Variants in PLEKHH2 observed in about 807,000 individuals in gnomAD.
The protein encoded by PLEKHH2 is pleckstrin homology, MyTH4 and FERM domain containing H2, also known as pleckstrin homology domain-containing family H member 2.
A neutral mutation model predicts 187.9 loss-of-function variants in PLEKHH2; 129 were observed. The ratio of observed to expected loss-of-function variants is 0.69; its 90% CI spans 0.59 to 0.79. The LOEUF (loss-of-function observed/expected upper bound fraction) is 0.79. Ranked by LOEUF, PLEKHH2 falls within the 30% of genes least tolerant of loss-of-function variation. The pLI is 0.00. For synonymous variants in PLEKHH2, 686 were observed against 605.6 expected, an observed-to-expected ratio of 1.13 and a Z score of -1.95; for missense variants, 2,076 against 1,751.2, an observed-to-expected ratio of 1.19 and a Z score of -3.31.
chr2:43,748,821 A>T (rs1305210255), intron 24 of PLEKHH2, among the ~76,000 whole-genome samples: 4 of 151,556 alleles, frequency 2.6e-5, no homozygotes, highest in Non-Finnish European at 5.9e-5. Context: ...CAATGGCACG[A>T]TCTCAGCTTA....
At chr2:43,666,259 T>C (rs2104388709) in intron 2 of PLEKHH2, among the ~76,000 whole-genome samples, 1 of 151,166 alleles carries the variant, frequency 6.6e-6, no homozygotes, top group Non-Finnish European at 1.5e-5. Flanking sequence ...GTCACCCCTT[T>C]CTTTGACTCG....
intron 15 of PLEKHH2, among the ~76,000 whole-genome samples, chr2:43,715,440 T>A (rs1186731521): frequency 6.6e-6 from 1 of 152,082 alleles, no homozygotes; most frequent in Non-Finnish European, 1.5e-5. Context: ...CCCTGCAGGG[T>A]TTGTAACAGG....
chr2:43,649,048 T>C (rs1666340749), intron 2 of PLEKHH2, among the ~76,000 whole-genome samples: 2 of 152,334 alleles, frequency 1.3e-5, no homozygotes, highest in South Asian at 4.1e-4. Context: ...AAAGTTGTTT[T>C]GCACCTATTT....
rs776612644 is a variant in PLEKHH2, at chr2:43,700,344, G to A, written c.1386G>A (p.Gln462=). 11 of 1,614,066 alleles carry A rather than the reference G, an allele frequency of 6.8e-6. No individual in the cohort carries two copies. The highest frequency in any genetic ancestry group is 1.6e-4 in the Middle Eastern group (1 of 6,084). Residue 462 remains glutamine (Q), a synonymous_variant, in exon 8 of 30, where the codon CAG becomes CAA. Coordinates refer to ENST00000282406, the MANE Select transcript of PLEKHH2 (RefSeq NM_172069.4). The part of the protein sequence containing the change: ...ALAKRHLSQP[Q]LSSDRMFGTN... ...CCAAAAGGCACTTAAGCCAGCCACA[G>A]TTAAGCTCTGACAGGATGTTTGGTA... is the stretch of plus-strand genomic sequence containing the variant.
At chr2:43,708,235 A>G (rs1669760589) in intron 11 of PLEKHH2, among the ~76,000 whole-genome samples, 1 of 152,184 alleles carries the variant, frequency 6.6e-6, no homozygotes, top group Admixed American at 6.5e-5. Context: ...GAATCAGGTT[A>G]TGACACACTT....
intron 3 of PLEKHH2, among the ~76,000 whole-genome samples, chr2:43,682,675 C>G (rs140635328): frequency 2.0e-5 from 3 of 152,058 alleles, no homozygotes; most frequent in Non-Finnish European, 2.9e-5. Context: ...TCCAAAATGT[C>G]GAAAGGAAAC....
rs545554470 is a variant in PLEKHH2, at chr2:43,727,939, C to T, written c.2721+1488C>T. 2.3e-4 allele frequency among the ~76,000 whole-genome samples: 35 copies of T among 152,240 alleles called. No homozygotes were observed. In the East Asian group the frequency reaches 3.1e-3, roughly 13 times the overall value. On this transcript the variant is annotated intron_variant, in intron 17 of 29. Coordinates refer to ENST00000282406, the MANE Select transcript of PLEKHH2 (RefSeq NM_172069.4). ...GAATTTAATGGCTAATGAATGCTTACGCTCATCTGTAATCAAAGATGCGCA... is the reference window on the plus strand; with the variant it reads ...GAATTTAATGGCTAATGAATGCTTATGCTCATCTGTAATCAAAGATGCGCA...
In PLEKHH2 at chr2:43,714,635, A is replaced by G. The variant is rs138045028; in HGVS notation, c.2460+2252A>G. ...TTGACTAATTTGATTCTAGACAGTC[A>G]CTCTTGCAATTTTTATTTTAATGCT... is the stretch of plus-strand genomic sequence containing the variant. On this transcript the variant is annotated intron_variant, in intron 15 of 29. Transcript: ENST00000282406. Among the ~76,000 whole-genome samples, 532 of 152,244 alleles carry G rather than the reference A, an allele frequency of 3.5e-3. 2 individuals are homozygous for G. The highest frequency in any genetic ancestry group is 0.012 in the African/African-American group (514 of 41,546).
intron 18 of PLEKHH2, among the ~76,000 whole-genome samples, chr2:43,730,475 T>C (rs546985723): frequency 3.3e-5 from 5 of 152,238 alleles, no homozygotes; most frequent in Non-Finnish European, 5.9e-5. Flanking sequence ...CTCCGCTCAC[T>C]GCAACCTCTG....
intron 15 of PLEKHH2, among the ~76,000 whole-genome samples, chr2:43,720,006 T>C (rs1670406099): frequency 6.6e-6 from 1 of 152,268 alleles, no homozygotes; most frequent in Non-Finnish European, 1.5e-5. Flanking sequence ...CTCTTCTTTA[T>C]GTTAATGCAT....
intron 3 of PLEKHH2, among the ~76,000 whole-genome samples, chr2:43,691,752 G>A (rs1668807446): frequency 6.6e-6 from 1 of 152,060 alleles, no homozygotes; most frequent in South Asian, 2.1e-4. Flanking sequence ...TGAACTCCTG[G>A]ACTCAAGCTA....
intron 24 of PLEKHH2, among the ~76,000 whole-genome samples, chr2:43,751,401 C>G (rs1045053001): frequency 1.6e-4 from 24 of 152,104 alleles, no homozygotes; most frequent in Admixed American, 6.6e-5. Flanking sequence ...GGCTTTCCCC[C>G]CAGTAAGTTT....
intron 2 of PLEKHH2, among the ~76,000 whole-genome samples, chr2:43,657,605 C>G (rs1458142751): frequency 6.6e-6 from 1 of 152,158 alleles, no homozygotes; most frequent in Non-Finnish European, 1.5e-5. Flanking sequence ...GAGGACATCC[C>G]ATGGAAAAAG....
At chr2:43,757,096 C>T in intron 25 of PLEKHH2, 23 bp from the exon 26 acceptor site, 5 of 1,528,172 alleles carry the variant, frequency 3.3e-6, no homozygotes, top group Non-Finnish European at 4.4e-6. Flanking sequence ...AATATATTTT[C>T]ACTTTTGTGG....
At chr2:43,693,634 G>C (rs1004377395) in intron 4 of PLEKHH2, among the ~76,000 whole-genome samples, 2 of 146,136 alleles carry the variant, frequency 1.4e-5, no homozygotes, top group East Asian at 2.0e-4. Flanking sequence ...TGACGCAGGA[G>C]AGCGGCGTGA....
chr2:43,657,218 G>C (rs1322942217), intron 2 of PLEKHH2, among the ~76,000 whole-genome samples: 1 of 152,148 alleles, frequency 6.6e-6, no homozygotes, highest in Non-Finnish European at 1.5e-5. Flanking sequence ...GCTGGGTCTG[G>C]ATATCCAAGA....
rs558117058 is a variant in PLEKHH2, at chr2:43,706,542, A to G, written c.1821+126A>G. The G allele has an allele frequency of 7.2e-6, 5 of 699,188 alleles. No homozygotes were observed. In the East Asian group the frequency reaches 1.3e-4, roughly 18 times the overall value. The allele number at this position is 699,188 out of a possible 1,614,324, so 43.3% of individuals were successfully genotyped here. ...AGGCTCTCCCTTTATAGAAAGTTTT[A>G]CAAGTTCACGTTAACATATCATAAA... On this transcript the variant is annotated intron_variant, in intron 10 of 29. Coordinates refer to ENST00000282406, the MANE Select transcript of PLEKHH2 (RefSeq NM_172069.4).
chr2:43,742,176 A>G (rs1343304391), intron 21 of PLEKHH2, among the ~76,000 whole-genome samples: 3 of 151,718 alleles, frequency 2.0e-5, no homozygotes, highest in Admixed American at 1.3e-4. Context: ...AATTTTTTGT[A>G]TTTTCAATAG....
At chr2:43,702,805 A>G (rs1355730888) in intron 8 of PLEKHH2, among the ~76,000 whole-genome samples, 2 of 151,954 alleles carry the variant, frequency 1.3e-5, no homozygotes, top group Non-Finnish European at 2.9e-5. Context: ...TACAATAGTC[A>G]CTCTAGAGGG....
Sources: gnomAD v4.1 joint callset for allele counts (sites outside exome capture counted in the v4.1 genomes callset) on GRCh38, gnomAD v4.1.1 for gene constraint, MANE v1.5 for transcripts, NCBI Gene and HGNC (gene_info 2026-07-23, HGNC 2026-07-21) for gene names.